MYO5B: variants seen among roughly 807,000 people sequenced by gnomAD.
MYO5B encodes unconventional myosin-Vb.
Under a neutral mutation model 229.3 loss-of-function variants are expected in MYO5B, and 143 were observed. The ratio of observed to expected loss-of-function variants is 0.62; its 90% CI spans 0.54 to 0.72. The LOEUF is 0.72. Ranked by LOEUF, MYO5B falls within the 30% of genes least tolerant of loss-of-function variation. The probability of loss-of-function intolerance (pLI) is 0.00; values close to 1 mark genes in which losing one functional copy is unlikely to be tolerated. For missense variants in MYO5B, 2,321 were observed against 2,331.0 expected (o/e 1.00, Z 0.09); for synonymous variants, 918 against 885.2 (o/e 1.04, Z -0.66).
At chr18:50,189,348 G>A (rs1332248064) in intron 1 of MYO5B, among the ~76,000 whole-genome samples, 1 of 152,208 alleles carries the variant, frequency 6.6e-6, no homozygotes, top group Non-Finnish European at 1.5e-5. Context: ...AAAGTCCCAA[G>A]CATGGTAACT....
chr18:50,087,387 G>C (rs571286588), intron 1 of MYO5B, among the ~76,000 whole-genome samples: 1 of 151,912 alleles, frequency 6.6e-6, no homozygotes, highest in Non-Finnish European at 1.5e-5. Flanking sequence ...TGGCTAACAC[G>C]GTGAAACCCC....
intron 1 of MYO5B, among the ~76,000 whole-genome samples, chr18:50,089,723 AAC>A (rs2031406203): frequency 6.6e-6 from 1 of 152,224 alleles, no homozygotes; most frequent in Admixed American, 6.5e-5. Context: ...CTGCTCTGCA[AAC>A]ACAAACGTTT....
At chr18:49,880,343 A>G in intron 23 of MYO5B, 28 bp downstream of exon 23, 2 of 1,595,868 alleles carry the variant, frequency 1.3e-6, no homozygotes, top group African/African-American at 1.3e-5. Context: ...TAAAACCCCA[A>G]ATAAAACTCA....
At chr18:50,040,113 G>T in intron 3 of MYO5B, 30 bp downstream of exon 3, 1 of 1,612,320 alleles carries the variant, frequency 6.2e-7, no homozygotes, top group Non-Finnish European at 8.5e-7. Context: ...ACTTTCCAAC[G>T]CATGCAGCCA....
intron 14 of MYO5B, among the ~76,000 whole-genome samples, chr18:49,949,474 A>G (rs2025410028): frequency 6.6e-6 from 1 of 152,212 alleles, no homozygotes; most frequent in Non-Finnish European, 1.5e-5. Flanking sequence ...AATTAGCTAC[A>G]TTACAACCGC....
chr18:49,972,511 T>G (rs560472555), intron 10 of MYO5B, among the ~76,000 whole-genome samples: 1 of 152,230 alleles, frequency 6.6e-6, no homozygotes, highest in Non-Finnish European at 1.5e-5. Context: ...AATTTTTACA[T>G]GCTATTGACA....
At chr18:50,145,868 C>CTTA (rs1283233579) in intron 1 of MYO5B, among the ~76,000 whole-genome samples, 1 of 152,198 alleles carries the variant, frequency 6.6e-6, no homozygotes, top group Non-Finnish European at 1.5e-5. Flanking sequence ...AAGTTGTTCT[C>CTTA]ATTAAGCCTG....
At chr18:49,876,177 C>T (rs995154072) in intron 25 of MYO5B, 17 of 360,880 alleles carry the variant, frequency 4.7e-5, no homozygotes, top group African/African-American at 1.1e-4. Flanking sequence ...TGGTCTCACA[C>T]CAGAGAAACT....
rs555545261 is a variant in MYO5B, at chr18:49,833,421, A to G, written c.5394+1923T>C. Reference sequence around the variant, plus strand: ...TTTCTTCTGAGCATTGTATAGGTAGAAACAACATAAAGCTATAGCTCATGA... The same window carrying G: ...TTTCTTCTGAGCATTGTATAGGTAGGAACAACATAAAGCTATAGCTCATGA... On this transcript the variant is annotated intron_variant, in intron 39 of 39. Transcript: ENST00000285039. 9.8e-5 allele frequency among the ~76,000 whole-genome samples: 15 copies of G among 152,384 alleles called. No homozygotes were observed. The South Asian group carries it at 2.7e-3, about 27-fold the overall frequency.
intron 39 of MYO5B, among the ~76,000 whole-genome samples, chr18:49,830,111 C>T (rs1377847484): frequency 6.6e-6 from 1 of 150,830 alleles, no homozygotes; most frequent in African/African-American, 2.5e-5. Context: ...CTCTTGCAGA[C>T]AACATATCTT....
chr18:50,055,752 A>G (rs989104114), intron 1 of MYO5B, among the ~76,000 whole-genome samples: 2 of 152,164 alleles, frequency 1.3e-5, no homozygotes, highest in Non-Finnish European at 2.9e-5. Context: ...AAAACAACAC[A>G]GGGAAAAGCC....
chr18:50,011,988 G>C (rs751997857), intron 4 of MYO5B, among the ~76,000 whole-genome samples: 4 of 152,054 alleles, frequency 2.6e-5, no homozygotes, highest in Non-Finnish European at 5.9e-5. Flanking sequence ...AGTGTTCAGG[G>C]AAGAGGCAAC....
In MYO5B at chr18:49,875,732, T is replaced by C; in HGVS notation, c.3492A>G (p.Gln1164=). ...RELEQERKKL[Q]VQLEKREQQD... ...GCTGTTCTCTCTTCTCCAGCTGCACTTGCAGCTTTTTCCTCTCCTGCTCCA... is the reference window on the plus strand; with the variant it reads ...GCTGTTCTCTCTTCTCCAGCTGCACCTGCAGCTTTTTCCTCTCCTGCTCCA... Residue 1164 remains glutamine, a synonymous_variant, in exon 26 of 40, where the codon CAA becomes CAG. Coordinates refer to ENST00000285039, the MANE Select transcript of MYO5B (RefSeq NM_001080467.3). 1 of 1,614,146 alleles carries C rather than the reference T, an allele frequency of 6.2e-7. No individual in the cohort carries two copies. The highest frequency in any genetic ancestry group is 2.2e-5 in the East Asian group (1 of 44,882).
At chr18:49,982,797 G>A (rs1266425674) in intron 8 of MYO5B, among the ~76,000 whole-genome samples, 3 of 152,094 alleles carry the variant, frequency 2.0e-5, no homozygotes, top group Non-Finnish European at 4.4e-5. Flanking sequence ...GCTAACCCCT[G>A]CAATTAAAAA....
chr18:50,192,843 TAAA>T (rs1170760341), intron 1 of MYO5B, among the ~76,000 whole-genome samples: 3 of 152,188 alleles, frequency 2.0e-5, no homozygotes, highest in East Asian at 1.9e-4. Context: ...TGGTATAACT[TAAA>T]AAAGTGTCTT....
intron 2 of MYO5B, among the ~76,000 whole-genome samples, chr18:50,047,417 A>G (rs1397561971): frequency 1.4e-4 from 22 of 152,238 alleles, no homozygotes; most frequent in East Asian, 3.9e-4. Context: ...TTAGAATGGC[A>G]ATCATTAAAA....
At chr18:50,148,934 C>T (rs80142002) in intron 1 of MYO5B, among the ~76,000 whole-genome samples, 17,617 of 152,046 alleles carry the variant, frequency 0.12, 1,149 homozygotes, top group East Asian at 0.24. Flanking sequence ...TCTAGAAAAC[C>T]CCACTGTCTC....
At chr18:50,019,974 G>A (rs1333102151) in intron 4 of MYO5B, among the ~76,000 whole-genome samples, 2 of 152,116 alleles carry the variant, frequency 1.3e-5, no homozygotes, top group Non-Finnish European at 2.9e-5. Flanking sequence ...CATGGTTGAT[G>A]AGTCCACAAG....
intron 10 of MYO5B, among the ~76,000 whole-genome samples, chr18:49,967,887 C>G (rs1261557517): frequency 6.6e-6 from 1 of 152,170 alleles, no homozygotes; most frequent in South Asian, 2.1e-4. Context: ...AACACAATCC[C>G]AGGCACTGTT....
Sources: gnomAD v4.1 joint callset for allele counts (sites outside exome capture counted in the v4.1 genomes callset) on GRCh38, gnomAD v4.1.1 for gene constraint, MANE v1.5 for transcripts, NCBI Gene and HGNC (gene_info 2026-07-23, HGNC 2026-07-21) for gene names.